Variants in CD74 observed in about 807,000 individuals in gnomAD.
CD74 encodes the protein CD74 molecule, also known as HLA class II histocompatibility antigen gamma chain.
CD74 carries 20 observed loss-of-function variants against 37.1 expected under a neutral mutation model. The ratio of observed to expected loss-of-function variants is 0.54; its 90% CI spans 0.38 to 0.78. CD74 has a LOEUF of 0.78. Ranked by LOEUF, CD74 falls within the 30% of genes least tolerant of loss-of-function variation. CD74 has a pLI of 0.00. For synonymous variants in CD74, 150 were observed against 152.0 expected, an observed-to-expected ratio of 0.99 and a Z score of 0.10; for missense variants, 338 against 389.5, an observed-to-expected ratio of 0.87 and a Z score of 1.11.
chr5:150,408,816 A>G (rs2151183017), intron 1 of CD74, among the ~76,000 whole-genome samples: 1 of 152,328 alleles, frequency 6.6e-6, no homozygotes, highest in East Asian at 1.9e-4. Flanking sequence ...ATCGGGCCAC[A>G]AGGCCTTCTC....
intron 1 of CD74, among the ~76,000 whole-genome samples, chr5:150,408,023 G>T (rs776455613): frequency 6.6e-6 from 1 of 151,726 alleles, no homozygotes; most frequent in African/African-American, 2.4e-5. Flanking sequence ...GATTACAAGC[G>T]TGAGTCACCG....
At position 150,401,741 on chromosome 5, in the gene CD74, G is replaced by T. The variant is rs1463317286; in HGVS notation, c.*499C>A. 6.7e-6 allele frequency: 4 copies of T among 595,510 alleles called. No homozygotes were observed. The highest frequency in any genetic ancestry group is 9.0e-6 in the Non-Finnish European group (3 of 334,166). 36.9% of individuals were successfully genotyped at this position (595,510 alleles called of 1,614,324 possible). A position where few individuals can be genotyped will look rare whatever the true frequency, so the allele number is the denominator to read the frequency against. ...TAGGGGTCGGCAGAAAGGATTATGG[G>T]TGGAAAACATTGGCTCTTCCTTGGG... On this transcript the variant is annotated 3_prime_UTR_variant, in exon 9 of 9. Coordinates refer to ENST00000009530, the MANE Select transcript of CD74 (RefSeq NM_001025159.3).
chr5:150,406,903 G>A lies in CD74; in HGVS notation c.356C>T (p.Pro119Leu). Reference protein sequence around the residue: ...MATPLLMQALPMGALPQGPMQ... With the variant: ...MATPLLMQALLMGALPQGPMQ... ...TACCCCCTGGGGCAGGGCTCCCATG[G>A]GCAGCGCCTGCATCAGCAGCGGGGT... The change falls in exon 3 of 9, where the codon CCC (proline) becomes CTC (leucine). Residue 119 changes from proline (P) to leucine (L), a missense_variant. Physicochemically the swap from Pro to Leu is moderately conservative, Grantham distance 98. Coordinates refer to ENST00000009530, the MANE Select transcript of CD74 (RefSeq NM_001025159.3). 1 of 1,524,010 alleles carries A rather than the reference G, an allele frequency of 6.6e-7. No homozygotes were observed. Among genetic ancestry groups the A allele is most frequent in the Non-Finnish European group, 8.8e-7 (1 of 1,141,204 alleles). The allele number at this position is 1,524,010 out of a possible 1,614,324, so 94.4% of individuals were successfully genotyped here.
intron 1 of CD74, among the ~76,000 whole-genome samples, chr5:150,409,041 G>A (rs931969476): frequency 2.6e-5 from 4 of 152,080 alleles, no homozygotes; most frequent in African/African-American, 7.2e-5. Context: ...CCAACATGGC[G>A]AAACCCCGTC....
At chr5:150,405,272 T>C in intron 4 of CD74, 92 bp from the exon 5 acceptor site, 2 of 1,491,242 alleles carry the variant, frequency 1.3e-6, no homozygotes, top group Non-Finnish European at 1.8e-6. Context: ...GGTCTTCCAT[T>C]CTGAGGAATG....
intron 1 of CD74, among the ~76,000 whole-genome samples, chr5:150,409,148 G>A (rs780149374): frequency 2.0e-5 from 3 of 152,026 alleles, no homozygotes; most frequent in Non-Finnish European, 4.4e-5. Flanking sequence ...ACTTGAACCC[G>A]GGAGGCGGAG....
rs1368740905 is a variant in CD74, at chr5:150,403,878, AAAAAACACCATTACAGTTTGGAATTGC to A, written c.626-593_626-567del. Among the ~76,000 whole-genome samples the A allele has an allele frequency of 6.6e-6, 1 of 152,204 alleles. No individual in the cohort carries two copies. Among genetic ancestry groups the A allele is most frequent in the South Asian group, 2.1e-4 (1 of 4,832 alleles). On this transcript the variant is annotated intron_variant, in intron 6 of 8. Transcript: ENST00000009530. This position sits in a 1 kb window ranked among gnomAD's most constrained non-coding sequence, Gnocchi z 4.5. ...TATCTCAAAAACAAACAATCAAACA[AAAAAACACCATTACAGTTTGGAATTGC>A]ACTTGCGATTCTGATTCTAGAGAAA...
intron 1 of CD74, 26 bp downstream of exon 1, chr5:150,412,599 T>C (rs1770410634): frequency 6.5e-7 from 1 of 1,532,508 alleles, no homozygotes; most frequent in South Asian, 1.1e-5. Context: ...AGGATCGGTG[T>C]GCCCTTTCCT....
chr5:150,404,162 C>A (rs1769804882), intron 6 of CD74, among the ~76,000 whole-genome samples: 1 of 152,162 alleles, frequency 6.6e-6, no homozygotes, highest in Non-Finnish European at 1.5e-5. Context: ...GGGGACTTGT[C>A]CAAAGTTACA....
At chr5:150,408,632 G>C (rs1469557370) in intron 1 of CD74, among the ~76,000 whole-genome samples, 1 of 152,198 alleles carries the variant, frequency 6.6e-6, no homozygotes, top group Non-Finnish European at 1.5e-5. Flanking sequence ...GCAAGCCCTT[G>C]TATCTGTGGG....
intron 1 of CD74, among the ~76,000 whole-genome samples, chr5:150,408,653 G>A (rs942107347): frequency 1.3e-5 from 2 of 152,144 alleles, no homozygotes; most frequent in Non-Finnish European, 2.9e-5. Flanking sequence ...ACTTGGATGC[G>A]ACTGGGGGGT....
At chr5:150,411,422 T>G (rs1187322606) in intron 1 of CD74, among the ~76,000 whole-genome samples, 1 of 152,192 alleles carries the variant, frequency 6.6e-6, no homozygotes, top group Non-Finnish European at 1.5e-5. Flanking sequence ...GTTACCTTGT[T>G]CCCCAGAACA....
At position 150,412,758 on chromosome 5, in the gene CD74, C is replaced by T. The variant is rs765912608; in HGVS notation, c.-9G>A. 2 of 1,613,846 alleles carry T rather than the reference C, an allele frequency of 1.2e-6. No individual in the cohort carries two copies. The highest frequency in any genetic ancestry group is 1.6e-4 in the Middle Eastern group (1 of 6,062). The stretch of plus-strand genomic sequence containing the variant: ...CTTCTCCTCCTGTGCATCTGGGACC[C>T]TGACCCCCCGGCTCGCCTCTTAAAG... On this transcript the variant is annotated 5_prime_UTR_variant, in exon 1 of 9. Transcript: ENST00000009530.
At position 150,402,332 on chromosome 5, in the gene CD74, C is replaced by T. The variant is rs1769681046; in HGVS notation, c.881-82G>A. On this transcript the variant is annotated intron_variant, in intron 8 of 8. Transcript: ENST00000009530. The surrounding 1 kb of genome is among the most constrained non-coding windows in gnomAD (Gnocchi z 4.2). ...TTTCTAACATCCTGGACCTGCAGAGCAGTTAAGGACTGTCCACCCTCCCCT... is the reference window on the plus strand; with the variant it reads ...TTTCTAACATCCTGGACCTGCAGAGTAGTTAAGGACTGTCCACCCTCCCCT... The T allele has an allele frequency of 9.3e-7, 1 of 1,080,556 alleles. No individual in the cohort carries two copies. The highest frequency in any genetic ancestry group is 1.4e-6 in the Non-Finnish European group (1 of 716,102). 66.9% of individuals were successfully genotyped at this position (1,080,556 alleles called of 1,614,324 possible). A position where few individuals can be genotyped will look rare whatever the true frequency, so the allele number is the denominator to read the frequency against.
chr5:150,411,851 G>A (rs1334493215), intron 1 of CD74, among the ~76,000 whole-genome samples: 3 of 152,304 alleles, frequency 2.0e-5, no homozygotes, highest in Admixed American at 6.5e-5. Context: ...CCCTTGATCC[G>A]TGGTAATTAG....
Position 150,404,725 on chromosome 5 carries a change from T to C in CD74, c.580A>G (p.Ser194Gly). The C allele has an allele frequency of 6.3e-7, 1 of 1,589,032 alleles. No homozygotes were observed. The part of the protein sequence containing the change: ...WMHHWLLFEM[S>G]RHSLEQKPTD... ...GGCTTTTGCTCCAAGGAGTGCCTGC[T>C]CATTTCAAACAGGAGCCAATGGTGC... Residue 194 changes from serine to glycine, a missense_variant, in exon 6 of 9, where the codon AGC (serine) becomes GGC (glycine). Transcript: ENST00000009530.
At chr5:150,411,622 C>T (rs1770346207) in intron 1 of CD74, among the ~76,000 whole-genome samples, 1 of 152,100 alleles carries the variant, frequency 6.6e-6, no homozygotes, top group Admixed American at 6.5e-5. Context: ...TATTTTGGGG[C>T]TGGGAAGTGG....
chr5:150,407,320 A>C lies in CD74; in HGVS notation c.130T>G (p.Cys44Gly), dbSNP rs1017241188. Residue 44 changes from cysteine to glycine, a missense_variant, in exon 2 of 9, where the codon TGC becomes GGC. Coordinates refer to ENST00000009530, the MANE Select transcript of CD74 (RefSeq NM_001025159.3). This position sits in a 1 kb window ranked among gnomAD's most constrained non-coding sequence, Gnocchi z 4.4. ...CCTGTGTACAGGGCTCCGCGGCTGC[A>C]CTTGCTGTGGGAGGTGGGGAGGATA... ...GRRPGAPESK[C>G]SRGALYTGFS... The C allele has an allele frequency of 6.2e-7, 1 of 1,606,572 alleles. No individual in the cohort carries two copies. Among genetic ancestry groups the C allele is most frequent in the African/African-American group, 1.3e-5 (1 of 74,824 alleles).
At chr5:150,404,807 C>T in intron 5 of CD74, 40 bp from the exon 6 acceptor site, 1 of 1,343,838 alleles carries the variant, frequency 7.4e-7, no homozygotes, top group Non-Finnish European at 1.0e-6. Flanking sequence ...CGATGGCCAC[C>T]ACCAAGCCCC....
Sources: gnomAD v4.1 joint callset for allele counts (sites outside exome capture counted in the v4.1 genomes callset) on GRCh38, gnomAD v4.1.1 for gene constraint, Gnocchi (gnomAD v3.1) non-coding constraint, MANE v1.5 for transcripts, NCBI Gene and HGNC (gene_info 2026-07-23, HGNC 2026-07-21) for gene names.